Variants in FOXP2 observed in about 807,000 individuals in gnomAD.
FOXP2 encodes forkhead box P2, also known as forkhead box protein P2.
FOXP2 carries 12 observed loss-of-function variants against 115.8 expected under a neutral mutation model. The observed-to-expected ratio is 0.10, with a 90% CI of 0.07 to 0.17. The LOEUF is 0.17. Among genes scored for constraint, FOXP2 ranks in the 10% least tolerant of loss-of-function variants. The probability of loss-of-function intolerance (pLI) is 1.00; values close to 1 mark genes in which losing one functional copy is unlikely to be tolerated. For synonymous variants in FOXP2, 328 were observed against 297.7 expected (o/e 1.10, Z -1.05); for missense variants, 629 against 843.5 (o/e 0.75, Z 3.15).
At chr7:114,096,820 A>G (rs1400643914) in intron 1 of FOXP2, among the ~76,000 whole-genome samples, 1 of 152,194 alleles carries the variant, frequency 6.6e-6, no homozygotes, top group African/African-American at 2.4e-5. Flanking sequence ...AGTAATACAA[A>G]ATTTTAATGT....
intron 3 of FOXP2, among the ~76,000 whole-genome samples, chr7:114,557,787 C>CTTTA (rs59243864): frequency 0.11 from 16,346 of 148,132 alleles, 1,159 homozygotes; most frequent in African/African-American, 0.19. Flanking sequence ...ACTGAACTGA[C>CTTTA]TTTATTTATT....
intron 1 of FOXP2, among the ~76,000 whole-genome samples, chr7:114,104,103 G>A (rs564046064): frequency 6.6e-6 from 1 of 151,928 alleles, no homozygotes; most frequent in Non-Finnish European, 1.5e-5. Context: ...CTGAATGAAA[G>A]TCCTTTTTAT....
At chr7:114,386,507 A>T (rs1387935559) in intron 2 of FOXP2, among the ~76,000 whole-genome samples, 2 of 152,352 alleles carry the variant, frequency 1.3e-5, no homozygotes, top group East Asian at 1.9e-4. Flanking sequence ...TACTTCAGAG[A>T]TGAGGGTTTC....
intron 1 of FOXP2, among the ~76,000 whole-genome samples, chr7:114,130,141 C>T (rs140044893): frequency 6.6e-6 from 1 of 151,926 alleles, no homozygotes; most frequent in African/African-American, 2.4e-5. Context: ...TGGTGAAACC[C>T]CATCTCTACC....
At chr7:114,197,457 C>CAT (rs1243504940) in intron 1 of FOXP2, among the ~76,000 whole-genome samples, 1 of 152,142 alleles carries the variant, frequency 6.6e-6, no homozygotes, top group Non-Finnish European at 1.5e-5. Context: ...CTCTGTGTCT[C>CAT]TTTATGAGGG....
At chr7:114,659,515 T>C in intron 12 of FOXP2, 57 bp from the exon 13 acceptor site, 8 of 1,580,526 alleles carry the variant, frequency 5.1e-6, no homozygotes, top group Non-Finnish European at 7.0e-6. Context: ...GAAAGTGTCA[T>C]CTAGTCTAGT....
At position 114,176,231 on chromosome 7, in the gene FOXP2, CT is replaced by C. The variant is rs1397372382; in HGVS notation, c.-102+13147del. Among the ~76,000 whole-genome samples the C allele has an allele frequency of 8.0e-3, 1,159 of 145,440 alleles. 11 individuals are homozygous for C. Among genetic ancestry groups the C allele is most frequent in the African/African-American group, 0.029 (1,085 of 38,030 alleles). ...CTTGTCTTGTCTTGTCTTGTCTTGT[CT>C]TTTCTTTCTTTCTTTCTCTCTCTCT... is the stretch of plus-strand genomic sequence containing the variant. On this transcript the variant is annotated intron_variant, in intron 1 of 17. Coordinates refer to the FOXP2 transcript ENST00000634411.
At chr7:114,364,628 A>C (rs905712741) in intron 2 of FOXP2, among the ~76,000 whole-genome samples, 1 of 152,172 alleles carries the variant, frequency 6.6e-6, no homozygotes, top group East Asian at 1.9e-4. Flanking sequence ...TTTTATAACT[A>C]TATTTGACAA....
intron 1 of FOXP2, among the ~76,000 whole-genome samples, chr7:114,275,886 G>T (rs1386971038): frequency 6.6e-6 from 1 of 152,166 alleles, no homozygotes; most frequent in Non-Finnish European, 1.5e-5. Flanking sequence ...GTGAGCTTAT[G>T]ACTTTTGATT....
At chr7:114,576,036 G>T (rs556598402) in intron 3 of FOXP2, among the ~76,000 whole-genome samples, 4 of 151,650 alleles carry the variant, frequency 2.6e-5, no homozygotes, top group African/African-American at 9.7e-5. Context: ...TTATTATGAT[G>T]GTATTCATAC....
At chr7:114,558,416 G>A (rs1360802185) in intron 3 of FOXP2, among the ~76,000 whole-genome samples, 1 of 152,142 alleles carries the variant, frequency 6.6e-6, no homozygotes, top group Non-Finnish European at 1.5e-5. Flanking sequence ...GACAGGTGGT[G>A]TACACAAAAA....
At chr7:114,104,618 A>G (rs893682960) in intron 1 of FOXP2, among the ~76,000 whole-genome samples, 4 of 152,030 alleles carry the variant, frequency 2.6e-5, no homozygotes, top group African/African-American at 9.7e-5. Context: ...GTTTTCCAAC[A>G]AGAACACTTA....
intron 1 of FOXP2, chr7:114,088,196 G>A (rs943723799): frequency 6.7e-6 from 1 of 149,402 alleles, no homozygotes; most frequent in African/African-American, 2.5e-5. Flanking sequence ...TCTTGATCTT[G>A]AGGATTATTC....
chr7:114,220,209 T>TA (rs1205461226), intron 1 of FOXP2, among the ~76,000 whole-genome samples: 1 of 151,966 alleles, frequency 6.6e-6, no homozygotes, highest in African/African-American at 2.4e-5. Context: ...TGGCTAGGCT[T>TA]AGTTGTAGTT....
chr7:114,573,373 G>A (rs181253640), intron 3 of FOXP2, among the ~76,000 whole-genome samples: 32 of 151,824 alleles, frequency 2.1e-4, no homozygotes, highest in South Asian at 1.2e-3. Flanking sequence ...GATGGACATG[G>A]TTCTGTTTTA....
chr7:114,395,690 C>A (rs1415119692), intron 2 of FOXP2, among the ~76,000 whole-genome samples: 1 of 151,900 alleles, frequency 6.6e-6, no homozygotes, highest in African/African-American at 2.4e-5. Context: ...TTTGAGAGAG[C>A]AGGATTAAAA....
intron 1 of FOXP2, among the ~76,000 whole-genome samples, chr7:114,251,547 C>A (rs998081786): frequency 1.3e-5 from 2 of 152,206 alleles, no homozygotes; most frequent in East Asian, 3.9e-4. Context: ...GTATTTTATT[C>A]TCTTTGAAGC....
At chr7:114,189,851 A>G (rs932813654) in intron 1 of FOXP2, among the ~76,000 whole-genome samples, 1 of 152,144 alleles carries the variant, frequency 6.6e-6, no homozygotes, top group Non-Finnish European at 1.5e-5. Flanking sequence ...TTTTGGCTCA[A>G]CATGATAATT....
intron 8 of FOXP2, among the ~76,000 whole-genome samples, chr7:114,649,376 A>T (rs982882997): frequency 6.6e-6 from 1 of 152,094 alleles, no homozygotes; most frequent in Non-Finnish European, 1.5e-5. Context: ...AAGGGACATG[A>T]TTAAATGATT....
Sources: gnomAD v4.1 joint callset for allele counts (sites outside exome capture counted in the v4.1 genomes callset) on GRCh38, gnomAD v4.1.1 for gene constraint, MANE v1.5 for transcripts, NCBI Gene and HGNC (gene_info 2026-07-23, HGNC 2026-07-21) for gene names.